Variants in ERC2 observed in about 807,000 individuals in gnomAD.
ERC2 encodes ELKS/RAB6-interacting/CAST family member 2, also known as ERC protein 2.
ERC2 carries 42 observed loss-of-function variants against 114.8 expected under a neutral mutation model. The ratio of observed to expected loss-of-function variants is 0.37; its 90% confidence interval spans 0.29 to 0.47. ERC2 has a LOEUF of 0.47. Ranked by LOEUF, ERC2 falls within the 20% of genes least tolerant of loss-of-function variation. The pLI is 0.99. For synonymous variants in ERC2, 454 were observed against 425.5 expected, an observed-to-expected ratio of 1.07 and a Z score of -0.82; for missense variants, 939 against 1,150.7, an observed-to-expected ratio of 0.82 and a Z score of 2.66.
Position 56,413,846 on chromosome 3 carries a change from C to CTGT in ERC2, c.657+20502_657+20504dup, listed in dbSNP as rs775564281. On this transcript the variant is annotated intron_variant, in intron 2 of 17. Transcript: ENST00000288221. ...TCCCCCAAACCAAATAACCACCAAT[C>CTGT]TGTTGTTGTTGTTACTCCGCTTTAA... Among the ~76,000 whole-genome samples the CTGT allele has an allele frequency of 1.3e-5, 2 of 152,188 alleles. 1 individual carries two copies. The highest frequency in any genetic ancestry group is 4.8e-5 in the African/African-American group (2 of 41,444).
At position 55,508,599 on chromosome 3, in the gene ERC2, C is replaced by T. The variant is rs1040919503; in HGVS notation, c.*2717G>A. The T allele has an allele frequency of 1.3e-5, 2 of 152,498 alleles. No homozygotes were observed. Among genetic ancestry groups the T allele is most frequent in the African/African-American group, 2.4e-5 (1 of 41,382 alleles). 9.4% of individuals were successfully genotyped at this position (152,498 alleles called of 1,614,324 possible). On this transcript the variant is annotated 3_prime_UTR_variant, in exon 18 of 18. Transcript: ENST00000288221. ...AAGAAGCACTATCAAACGAGGGTCT[C>T]GGGGAATTAGATACACTGACCCTGG...
At chr3:56,317,927 T>C (rs964385294) in intron 2 of ERC2, among the ~76,000 whole-genome samples, 14 of 152,194 alleles carry the variant, frequency 9.2e-5, no homozygotes, top group African/African-American at 3.4e-4. Flanking sequence ...ATAAGATATT[T>C]GAGAGATATT....
At chr3:56,109,292 C>T (rs531799450) in intron 6 of ERC2, among the ~76,000 whole-genome samples, 78 of 152,194 alleles carry the variant, frequency 5.1e-4, no homozygotes, top group Non-Finnish European at 9.3e-4. Context: ...TCTGTTCCTG[C>T]TTTAGTTTGC....
chr3:55,656,006 C>T (rs2148693303), intron 17 of ERC2, among the ~76,000 whole-genome samples: 1 of 152,326 alleles, frequency 6.6e-6, no homozygotes, highest in East Asian at 1.9e-4. Flanking sequence ...AGTAATGAAG[C>T]TGGGACTCCA....
At chr3:56,192,022 A>C (rs1019398542) in intron 3 of ERC2, among the ~76,000 whole-genome samples, 38 of 152,310 alleles carry the variant, frequency 2.5e-4, no homozygotes, top group African/African-American at 8.7e-4. Flanking sequence ...TGTGTCCTTT[A>C]ATCTTCACAG....
chr3:55,836,843 C>G (rs1169695093), intron 14 of ERC2, among the ~76,000 whole-genome samples: 62 of 152,040 alleles, frequency 4.1e-4, no homozygotes, highest in Non-Finnish European at 1.5e-5. Flanking sequence ...GAAAATTTTC[C>G]CAACCTACTC....
intron 2 of ERC2, among the ~76,000 whole-genome samples, chr3:56,325,247 A>G (rs868393806): frequency 3.0e-4 from 46 of 152,186 alleles, no homozygotes; most frequent in Non-Finnish European, 5.9e-4. Flanking sequence ...GACTGAGACC[A>G]TCCTGGCTAA....
intron 2 of ERC2, among the ~76,000 whole-genome samples, chr3:56,428,625 A>C (rs1330709726): frequency 6.6e-6 from 1 of 152,250 alleles, no homozygotes; most frequent in Non-Finnish European, 1.5e-5. Context: ...GTAATAATAA[A>C]GGAAACACAG....
intron 2 of ERC2, among the ~76,000 whole-genome samples, chr3:56,405,155 G>A (rs1055024944): frequency 1.3e-5 from 2 of 152,122 alleles, no homozygotes; most frequent in Admixed American, 1.3e-4. Context: ...AAAAAAGAAT[G>A]GATGGAGGCC....
At chr3:56,117,384 A>C (rs1477576528) in intron 6 of ERC2, among the ~76,000 whole-genome samples, 1 of 152,236 alleles carries the variant, frequency 6.6e-6, no homozygotes, top group East Asian at 1.9e-4. Flanking sequence ...ATAATCCTCC[A>C]CAGGAAACCA....
intron 6 of ERC2, among the ~76,000 whole-genome samples, chr3:56,120,226 A>C (rs78111993): frequency 0.032 from 4,933 of 152,234 alleles, 277 homozygotes; most frequent in African/African-American, 0.11. Context: ...CTGGTTCCTA[A>C]GGGGAAGCAT....
chr3:56,122,458 T>TA (rs2079631982), intron 6 of ERC2, among the ~76,000 whole-genome samples: 2 of 152,310 alleles, frequency 1.3e-5, no homozygotes. Flanking sequence ...TGTTTTACCT[T>TA]AAAAAAATTT....
At chr3:55,652,001 G>A (rs536253891) in intron 17 of ERC2, among the ~76,000 whole-genome samples, 1 of 152,306 alleles carries the variant, frequency 6.6e-6, no homozygotes, top group South Asian at 2.1e-4. Context: ...AAGCTCTTCA[G>A]TTCTTCCCAA....
chr3:56,218,500 A>C (rs900399881), intron 3 of ERC2, among the ~76,000 whole-genome samples: 1 of 148,974 alleles, frequency 6.7e-6, no homozygotes, highest in African/African-American at 2.5e-5. Flanking sequence ...ACAGGTGCTA[A>C]AGAGGATGTG....
chr3:55,538,519 G>C (rs1037193632), intron 17 of ERC2, among the ~76,000 whole-genome samples: 1 of 152,240 alleles, frequency 6.6e-6, no homozygotes, highest in Admixed American at 6.5e-5. Flanking sequence ...TGTGAGCAAA[G>C]CTGCTGGCAA....
At chr3:55,976,310 C>G (rs2069587562) in intron 12 of ERC2, among the ~76,000 whole-genome samples, 1 of 152,138 alleles carries the variant, frequency 6.6e-6, no homozygotes, top group Non-Finnish European at 1.5e-5. Context: ...CAAGGTGACT[C>G]TGGACCCAGG....
At chr3:56,275,415 A>G (rs557191821) in intron 3 of ERC2, among the ~76,000 whole-genome samples, 1 of 152,274 alleles carries the variant, frequency 6.6e-6, no homozygotes, top group Admixed American at 6.5e-5. Flanking sequence ...TCAATCCACT[A>G]CTATCATTGT....
intron 17 of ERC2, among the ~76,000 whole-genome samples, chr3:55,652,497 A>C (rs2060668486): frequency 6.6e-6 from 1 of 152,050 alleles, no homozygotes; most frequent in Non-Finnish European, 1.5e-5. Context: ...TAACTCTACT[A>C]ACCACTATTT....
intron 2 of ERC2, among the ~76,000 whole-genome samples, chr3:56,317,340 T>C (rs1373551767): frequency 6.6e-6 from 1 of 152,074 alleles, no homozygotes; most frequent in South Asian, 2.1e-4. Flanking sequence ...AGAAGACAGC[T>C]TGATGGCTAA....
Sources: allele counts gnomAD v4.1 joint callset (sites outside exome capture counted in the v4.1 genomes callset), GRCh38; gene constraint gnomAD v4.1.1; transcripts MANE v1.5; gene names NCBI Gene and HGNC (gene_info 2026-07-23, HGNC 2026-07-21).